The following SLC4A4 variants were observed in gnomAD, a reference collection of about 807,000 sequenced individuals.
SLC4A4 encodes electrogenic sodium bicarbonate cotransporter 1.
In SLC4A4, 27 loss-of-function variants were observed where a neutral mutation model predicts 111.5. The ratio of observed to expected loss-of-function variants is 0.24; its 90% CI spans 0.18 to 0.33. SLC4A4 has a LOEUF of 0.33. Among genes scored for constraint, SLC4A4 ranks in the 10% least tolerant of loss-of-function variants. The pLI is 1.00. For synonymous variants in SLC4A4, 443 were observed against 463.4 expected, an observed-to-expected ratio of 0.96 and a Z score of 0.57; for missense variants, 909 against 1,315.5, an observed-to-expected ratio of 0.69 and a Z score of 4.78.
intron 6 of SLC4A4, among the ~76,000 whole-genome samples, chr4:71,375,494 A>G (rs1467182075): frequency 6.6e-6 from 1 of 152,164 alleles, no homozygotes; most frequent in Non-Finnish European, 1.5e-5. Context: ...AATCTTGACC[A>G]TCCTTCAAGG....
At chr4:71,400,864 GA>G (rs909501965) in intron 7 of SLC4A4, among the ~76,000 whole-genome samples, 8 of 149,962 alleles carry the variant, frequency 5.3e-5, no homozygotes, top group East Asian at 2.0e-4. Context: ...GGACAGGAAA[GA>G]AAAAAAAAGG....
chr4:71,520,738 C>T (rs538979760), intron 16 of SLC4A4, among the ~76,000 whole-genome samples: 2 of 152,312 alleles, frequency 1.3e-5, no homozygotes, highest in South Asian at 4.1e-4. Flanking sequence ...ATCTGCCAGT[C>T]TCTCTTTGTG....
intron 6 of SLC4A4, among the ~76,000 whole-genome samples, chr4:71,388,793 C>G (rs150020236): frequency 6.6e-6 from 1 of 152,296 alleles, no homozygotes; most frequent in East Asian, 1.9e-4. Flanking sequence ...TCAAGTGATT[C>G]TCCTGCTTTG....
intron 2 of SLC4A4, among the ~76,000 whole-genome samples, chr4:71,127,680 A>T (rs971041098): frequency 6.6e-6 from 1 of 152,190 alleles, no homozygotes; most frequent in Non-Finnish European, 1.5e-5. Context: ...ACTTTTTAAG[A>T]TATGTTATAT....
intron 3 of SLC4A4, among the ~76,000 whole-genome samples, chr4:71,321,035 G>A (rs181331415): frequency 2.0e-5 from 3 of 152,086 alleles, no homozygotes; most frequent in Admixed American, 6.6e-5. Flanking sequence ...TAGTGAAAGC[G>A]GATTGTGTCA....
intron 1 of SLC4A4, among the ~76,000 whole-genome samples, chr4:71,220,599 A>G (rs1718683895): frequency 6.6e-6 from 1 of 152,204 alleles, no homozygotes; most frequent in African/African-American, 2.4e-5. Flanking sequence ...TTTTTTAAAC[A>G]GTTGATTTGT....
intron 6 of SLC4A4, among the ~76,000 whole-genome samples, chr4:71,364,724 T>TG (rs957839722): frequency 6.6e-6 from 1 of 152,116 alleles, no homozygotes; most frequent in Admixed American, 6.6e-5. Context: ...AGAAGAATTT[T>TG]GGGGGGGATA....
At chr4:71,069,588 A>G (rs1236420330) in intron 1 of SLC4A4, among the ~76,000 whole-genome samples, 2 of 152,156 alleles carry the variant, frequency 1.3e-5, no homozygotes, top group Admixed American at 1.3e-4. Flanking sequence ...TTTCTCTCAT[A>G]TATTTTCCAA....
intron 1 of SLC4A4, among the ~76,000 whole-genome samples, chr4:71,070,695 G>C (rs1487049224): frequency 6.6e-6 from 1 of 152,278 alleles, no homozygotes; most frequent in African/African-American, 2.4e-5. Flanking sequence ...ATACTGGTTT[G>C]AATGTAAAAC....
At chr4:71,410,842 G>T (rs1296398989) in intron 7 of SLC4A4, among the ~76,000 whole-genome samples, 3 of 151,996 alleles carry the variant, frequency 2.0e-5, no homozygotes, top group East Asian at 1.9e-4. Context: ...TATATTGGTG[G>T]TATTCTCTTT....
intron 3 of SLC4A4, among the ~76,000 whole-genome samples, chr4:71,287,451 A>G (rs1056156942): frequency 3.3e-5 from 5 of 152,200 alleles, no homozygotes; most frequent in African/African-American, 1.2e-4. Context: ...CCTGTGTTTT[A>G]TAGGCTTTTG....
At chr4:71,494,359 G>A (rs1730206081) in intron 15 of SLC4A4, among the ~76,000 whole-genome samples, 1 of 151,946 alleles carries the variant, frequency 6.6e-6, no homozygotes, top group Non-Finnish European at 1.5e-5. Flanking sequence ...TGTAGCCCAG[G>A]CTGGCATATA....
Position 71,521,924 on chromosome 4 carries a change from C to G in SLC4A4, c.2167-10138C>G, listed in dbSNP as rs75087647. On this transcript the variant is annotated intron_variant, in intron 16 of 25. Coordinates refer to ENST00000264485, the MANE Select transcript of SLC4A4 (RefSeq NM_001098484.3). Reference sequence around the variant, plus strand: ...CACTTCGATTCCACTCGTTCTGGCTCCCATTACCTTTGCTGAGGCCCATGG... The same window carrying G: ...CACTTCGATTCCACTCGTTCTGGCTGCCATTACCTTTGCTGAGGCCCATGG... Among the ~76,000 whole-genome samples, 679 of 152,288 alleles carry G rather than the reference C, an allele frequency of 4.5e-3. 6 individuals carry two copies. The highest frequency in any genetic ancestry group is 0.016 in the African/African-American group (657 of 41,568).
chr4:71,306,831 T>C (rs1417355094), intron 3 of SLC4A4, among the ~76,000 whole-genome samples: 2 of 152,222 alleles, frequency 1.3e-5, no homozygotes, highest in Non-Finnish European at 2.9e-5. Context: ...AGGTGACTTA[T>C]TTTAGGAAAG....
chr4:71,313,943 T>C (rs1015539668), intron 3 of SLC4A4, among the ~76,000 whole-genome samples: 1 of 152,142 alleles, frequency 6.6e-6, no homozygotes, highest in Non-Finnish European at 1.5e-5. Flanking sequence ...CTAAAGAGCT[T>C]CTGCACAGCA....
Position 71,466,512 on chromosome 4 carries a change from A to C in SLC4A4, c.1566A>C (p.Pro522=), listed in dbSNP as rs1560533174. ...GAIFCLFAGQ[P]LTILSSTGPV... is the part of the protein sequence containing the mutation. ...TCTTTTGCCTTTTTGCTGGTCAACC[A>C]CTCACTATTCTGAGCAGCACCGGAC... Residue 522 remains proline, a synonymous_variant, in exon 13 of 26, where the codon CCA becomes CCC. Transcript: ENST00000264485. The C allele has an allele frequency of 1.2e-6, 2 of 1,613,516 alleles. No homozygotes were observed. The highest frequency in any genetic ancestry group is 1.1e-5 in the South Asian group (1 of 91,070).
chr4:71,481,256 A>G (rs998203354), intron 14 of SLC4A4, among the ~76,000 whole-genome samples: 3 of 151,746 alleles, frequency 2.0e-5, no homozygotes, highest in African/African-American at 2.4e-5. Context: ...GGTGATACAT[A>G]AAAGCAGACA....
chr4:71,249,479 T>G (rs2149053443), intron 2 of SLC4A4, among the ~76,000 whole-genome samples: 1 of 151,958 alleles, frequency 6.6e-6, no homozygotes, highest in African/African-American at 2.4e-5. Flanking sequence ...TTGAAGGGGG[T>G]TTTCTTCTCA....
intron 3 of SLC4A4, among the ~76,000 whole-genome samples, chr4:71,266,100 C>T (rs541517078): frequency 2.2e-4 from 34 of 152,282 alleles, no homozygotes; most frequent in South Asian, 8.3e-4. Context: ...CTACCCTGAG[C>T]GTCCACACCA....
Sources: allele counts gnomAD v4.1 joint callset (sites outside exome capture counted in the v4.1 genomes callset), GRCh38; gene constraint gnomAD v4.1.1; transcripts MANE v1.5; gene names NCBI Gene and HGNC (gene_info 2026-07-23, HGNC 2026-07-21).